The following SHANK2 variants were observed in gnomAD, a reference collection of about 807,000 sequenced individuals.
SHANK2 encodes SH3 and multiple ankyrin repeat domains 2, also known as SH3 and multiple ankyrin repeat domains protein 2.
Under a neutral mutation model 133.7 loss-of-function variants are expected in SHANK2, and 43 were observed. The observed-to-expected ratio is 0.32, with a 90% CI of 0.25 to 0.41. SHANK2 has a LOEUF of 0.41. Ranked by LOEUF, SHANK2 falls within the 10% of genes least tolerant of loss-of-function variation. The pLI, the probability that SHANK2 is intolerant of heterozygous loss-of-function variation, is 1.00. For missense variants in SHANK2, 1,994 were observed against 2,235.8 expected, an observed-to-expected ratio of 0.89 and a Z score of 2.18; for synonymous variants, 1,017 against 952.8, an observed-to-expected ratio of 1.07 and a Z score of -1.24.
rs1951575416 is a variant in SHANK2, at chr11:71,094,628, T to C, written c.653A>G (p.Lys218Arg). The change falls in exon 7 of 26, where the codon AAA (lysine) becomes AGA (arginine). Residue 218 changes from lysine (K) to arginine (R), a missense_variant. Coordinates refer to ENST00000601538, the MANE Select transcript of SHANK2 (RefSeq NM_012309.5). Reference sequence around the variant, plus strand: ...GAAGTCCAGGTGAGCTCCACCATTTTTGAGAGCTTTGATGACCTCCACAGA... The same window carrying C: ...GAAGTCCAGGTGAGCTCCACCATTTCTGAGAGCTTTGATGACCTCCACAGA... ...DDSVEVIKAL[K>R]NGGAHLDFRA... The C allele has an allele frequency of 4.5e-6, 7 of 1,551,728 alleles. No homozygotes were observed. Among genetic ancestry groups the C allele is most frequent in the Non-Finnish European group, 6.1e-6 (7 of 1,146,984 alleles).
chr11:70,508,093 A>G (rs1221943220), intron 17 of SHANK2, among the ~76,000 whole-genome samples: 1 of 152,224 alleles, frequency 6.6e-6, no homozygotes, highest in Non-Finnish European at 1.5e-5. Context: ...CCAGGACAGG[A>G]AGACCCCTTG....
intron 13 of SHANK2, among the ~76,000 whole-genome samples, chr11:70,799,774 C>T (rs2135230429): frequency 6.6e-6 from 1 of 152,332 alleles, no homozygotes; most frequent in South Asian, 2.1e-4. Context: ...AGTCCAGACA[C>T]AGGCATCCCT....
At chr11:70,624,871 T>C (rs2060883428) in intron 17 of SHANK2, among the ~76,000 whole-genome samples, 1 of 152,062 alleles carries the variant, frequency 6.6e-6, no homozygotes, top group Non-Finnish European at 1.5e-5. Context: ...CAGAGCCTGG[T>C]CTCTATCGGC....
Position 71,175,556 on chromosome 11 carries a change from GAGAGA to G in SHANK2, c.-12-28223_-12-28219del, listed in dbSNP as rs1281633232. ...AGACAGAGGGAGAGGGAGAGGGAGAGAGAGAGAGAGAGAGAGAGAGAGAGAGAGAG... is the reference window on the plus strand; with the variant it reads ...AGACAGAGGGAGAGGGAGAGGGAGAGGAGAGAGAGAGAGAGAGAGAGAGAG... On this transcript the variant is annotated intron_variant, in intron 2 of 25. Transcript: ENST00000601538. The surrounding 1 kb of genome is among the most constrained non-coding windows in gnomAD (Gnocchi z 4.2). Among the ~76,000 whole-genome samples, 1,581 of 58,378 alleles carry G rather than the reference GAGAGA, an allele frequency of 0.027. 30 individuals are homozygous for G. Among genetic ancestry groups the G allele is most frequent in the South Asian group, 0.058 (98 of 1,684 alleles). 38.3% of individuals were successfully genotyped at this position (58,378 alleles called of 152,430 possible).
chr11:70,788,004 G>A (rs1947706890), intron 14 of SHANK2, among the ~76,000 whole-genome samples: 1 of 152,196 alleles, frequency 6.6e-6, no homozygotes, highest in Non-Finnish European at 1.5e-5. Context: ...TGCAACCACA[G>A]GGACAAGGTT....
rs553876262 is a variant in SHANK2 at position 70,772,309 on chromosome 11, G to A, written c.1777+26134C>T. On this transcript the variant is annotated intron_variant, in intron 14 of 25. Coordinates refer to ENST00000601538, the MANE Select transcript of SHANK2 (RefSeq NM_012309.5). ...ACAAAAATTAGCTGGGGGTGGTGGC[G>A]CGCGCCTGTAATCCTAGCTACTCGG... is the stretch of plus-strand genomic sequence containing the variant. Among the ~76,000 whole-genome samples the A allele has an allele frequency of 1.9e-3, 289 of 151,694 alleles. 1 individual carries two copies. Among genetic ancestry groups the A allele is most frequent in the Non-Finnish European group, 3.3e-3 (224 of 67,908 alleles).
intron 5 of SHANK2, among the ~76,000 whole-genome samples, chr11:71,111,952 T>A (rs1951897502): frequency 6.6e-6 from 1 of 152,020 alleles, no homozygotes; most frequent in South Asian, 2.1e-4. Flanking sequence ...GCCCAGAGCA[T>A]CTTGTGCCAT....
intron 11 of SHANK2, among the ~76,000 whole-genome samples, chr11:70,847,438 G>A (rs997476159): frequency 3.9e-5 from 6 of 152,174 alleles, no homozygotes; most frequent in Admixed American, 6.5e-5. Context: ...AGGCAAAACC[G>A]TCAATCCCAG....
intron 14 of SHANK2, among the ~76,000 whole-genome samples, chr11:70,700,779 G>T (rs1555023429): frequency 6.6e-6 from 1 of 152,232 alleles, no homozygotes; most frequent in Non-Finnish European, 1.5e-5. Context: ...TGGGGCGAAG[G>T]AGGAGCCCCA....
chr11:70,857,691 C>G (rs1949193162), intron 11 of SHANK2, among the ~76,000 whole-genome samples: 3 of 152,202 alleles, frequency 2.0e-5, no homozygotes, highest in Admixed American at 2.0e-4. Context: ...TTAGGGGCAT[C>G]ACGGAGCACA....
intron 17 of SHANK2, chr11:70,566,342 T>G (rs946741202): frequency 3.3e-5 from 5 of 152,206 alleles, no homozygotes; most frequent in African/African-American, 4.8e-5. Context: ...TTATTTTTAA[T>G]AAGACAAAGA....
intron 2 of SHANK2, among the ~76,000 whole-genome samples, chr11:71,205,088 G>A (rs868969484): frequency 6.6e-6 from 1 of 152,138 alleles, no homozygotes; most frequent in Non-Finnish European, 1.5e-5. Flanking sequence ...GGCCCCAAGT[G>A]CCCAGGGAGT....
chr11:70,841,994 T>C (rs1555061863), intron 11 of SHANK2, among the ~76,000 whole-genome samples: 1 of 152,154 alleles, frequency 6.6e-6, no homozygotes. Context: ...GGGACCTAAC[T>C]GCCCTTCTCC....
At chr11:70,477,664 C>T (rs1555150487) in intron 25 of SHANK2, 1 of 152,142 alleles carries the variant, frequency 6.6e-6, no homozygotes, top group African/African-American at 2.4e-5. Flanking sequence ...TGCTTTGCTT[C>T]AAGTCTACAT....
chr11:70,489,145 C>G lies in SHANK2; in HGVS notation c.2572+183G>C, dbSNP rs1455372655. 3 of 647,152 alleles carry G rather than the reference C, an allele frequency of 4.6e-6. No individual in the cohort carries two copies. The Admixed American group carries it at 7.1e-5, about 15-fold the overall frequency. 40.1% of individuals were successfully genotyped at this position (647,152 alleles called of 1,614,324 possible). The stretch of plus-strand genomic sequence containing the variant: ...AAGGGTATTCCAAATTTAACATACT[C>G]CTTGTGGGAGGACATTTTGGCATTG... On this transcript the variant is annotated intron_variant, in intron 24 of 25. Coordinates refer to ENST00000601538, the MANE Select transcript of SHANK2 (RefSeq NM_012309.5).
intron 17 of SHANK2, among the ~76,000 whole-genome samples, chr11:70,650,925 G>C (rs540096402): frequency 3.1e-4 from 47 of 152,364 alleles, no homozygotes; most frequent in Admixed American, 1.6e-3. Flanking sequence ...AAATGAATGA[G>C]TGAAGCTTCA....
At chr11:70,766,086 T>C (rs1387580875) in intron 14 of SHANK2, among the ~76,000 whole-genome samples, 7 of 152,344 alleles carry the variant, frequency 4.6e-5, no homozygotes, top group African/African-American at 1.4e-4. Flanking sequence ...TCATCCATAA[T>C]TGGAAGCAGA....
chr11:70,850,818 C>T (rs1949074532), intron 11 of SHANK2, among the ~76,000 whole-genome samples: 1 of 152,218 alleles, frequency 6.6e-6, no homozygotes, highest in South Asian at 2.1e-4. Context: ...GGGCAGGGGT[C>T]CCTGAGTCCA....
chr11:70,717,986 A>C (rs1945979594), intron 14 of SHANK2, among the ~76,000 whole-genome samples: 1 of 152,146 alleles, frequency 6.6e-6, no homozygotes, highest in Admixed American at 6.5e-5. Flanking sequence ...CTTTGACACA[A>C]GTTGTAAGCC....
Sources: gnomAD v4.1 joint callset for allele counts (sites outside exome capture counted in the v4.1 genomes callset) on GRCh38, gnomAD v4.1.1 for gene constraint, Gnocchi (gnomAD v3.1) non-coding constraint, MANE v1.5 for transcripts, NCBI Gene and HGNC (gene_info 2026-07-23, HGNC 2026-07-21) for gene names.